The following DENND4C variants were observed in gnomAD, a reference collection of about 807,000 sequenced individuals.
DENND4C encodes DENN domain-containing protein 4C.
DENND4C carries 108 observed loss-of-function variants against 203.0 expected under a neutral mutation model. The observed-to-expected ratio is 0.53, with a 90% CI of 0.46 to 0.62. The LOEUF (loss-of-function observed/expected upper bound fraction) is 0.62. Among genes scored for constraint, DENND4C ranks in the 20% least tolerant of loss-of-function variants. The pLI, the probability that DENND4C is intolerant of heterozygous loss-of-function variation, is 0.00. For synonymous variants in DENND4C, 871 were observed against 792.4 expected, an observed-to-expected ratio of 1.10 and a Z score of -1.67; for missense variants, 2,481 against 2,301.2, an observed-to-expected ratio of 1.08 and a Z score of -1.60.
At chr9:19,324,338 T>G in intron 12 of DENND4C, 24 bp from the exon 13 acceptor site, 14 of 1,556,296 alleles carry the variant, frequency 9.0e-6, no homozygotes, top group Non-Finnish European at 1.1e-5. Context: ...AAATTTGAAT[T>G]TAATTATATT....
chr9:19,346,389 G>C lies in DENND4C; in HGVS notation c.3620G>C (p.Ser1207Thr), dbSNP rs774125630. Residue 1207 changes from serine (S) to threonine (T), a missense_variant, in exon 23 of 33, where the codon AGT becomes ACT. Ser to Thr is a moderately conservative substitution (Grantham distance 58, BLOSUM62 1). Transcript: ENST00000434457. ...KTTATVDTYE[S>T]LLSDSNSNQS... The stretch of plus-strand genomic sequence containing the variant: ...ACTGCAACAGTAGATACATATGAGA[G>C]TCTACTAAGTGATAGTAACAGTAAT... The C allele has an allele frequency of 3.7e-6, 6 of 1,613,886 alleles. No homozygotes were observed. In the Admixed American group the frequency reaches 8.3e-5, roughly 22 times the overall value.
At chr9:19,262,305 C>G (rs1166504821) in intron 1 of DENND4C, among the ~76,000 whole-genome samples, 1 of 151,788 alleles carries the variant, frequency 6.6e-6, no homozygotes, top group Non-Finnish European at 1.5e-5. Flanking sequence ...CCAGGCTGGT[C>G]TTGAACTCCT....
intron 1 of DENND4C, among the ~76,000 whole-genome samples, chr9:19,240,467 A>ACCAG (rs1823393645): frequency 6.6e-6 from 1 of 152,010 alleles, no homozygotes; most frequent in South Asian, 2.1e-4. Context: ...GGAGTTCGAG[A>ACCAG]CCAGCCTGGT....
intron 2 of DENND4C, 87 bp downstream of exon 2, chr9:19,276,566 T>TTTATTATTACTGATAGTTTA: frequency 1.3e-6 from 1 of 742,566 alleles, no homozygotes; most frequent in Non-Finnish European, 1.8e-6. Context: ...CCTTGATAGT[T>TTTATTATTACTGATAGTTTA]TTATTATTAC....
chr9:19,273,561 T>C (rs558202849), intron 1 of DENND4C, among the ~76,000 whole-genome samples: 17 of 151,912 alleles, frequency 1.1e-4, no homozygotes, highest in African/African-American at 4.1e-4. Context: ...GTCTCAAGAA[T>C]ACATAAAGAA....
intron 16 of DENND4C, among the ~76,000 whole-genome samples, chr9:19,330,608 G>A (rs1302241548): frequency 6.6e-6 from 1 of 151,932 alleles, no homozygotes; most frequent in Non-Finnish European, 1.5e-5. Context: ...AAAGTGCTGG[G>A]ATTATATACA....
chr9:19,361,637 C>T (rs1826515500), intron 29 of DENND4C, among the ~76,000 whole-genome samples: 1 of 152,126 alleles, frequency 6.6e-6, no homozygotes, highest in African/African-American at 2.4e-5. Flanking sequence ...ATTGTCATCC[C>T]ATTTCTTAAA....
chr9:19,282,471 C>A (rs1296325122), intron 2 of DENND4C, among the ~76,000 whole-genome samples: 1 of 149,918 alleles, frequency 6.7e-6, no homozygotes, highest in Non-Finnish European at 1.5e-5. Flanking sequence ...CCAGGCTGCT[C>A]TGGAACACCT....
chr9:19,243,856 G>C (rs1824396730), intron 1 of DENND4C, among the ~76,000 whole-genome samples: 1 of 152,120 alleles, frequency 6.6e-6, no homozygotes, highest in Non-Finnish European at 1.5e-5. Flanking sequence ...CTGTCACCCA[G>C]ACTGGAGTAC....
In DENND4C at chr9:19,252,138, G is replaced by A. The variant is rs142958339; in HGVS notation, c.-18+21305G>A. ...TTGGACTTACAGTTCCATGTGGCTG[G>A]GGAGGCCTCACAATCATGGCAGAAG... On this transcript the variant is annotated intron_variant, in intron 1 of 32. Coordinates refer to ENST00000434457, the MANE Select transcript of DENND4C (RefSeq NM_001330640.2). Among the ~76,000 whole-genome samples, 78 of 152,290 alleles carry A rather than the reference G, an allele frequency of 5.1e-4. 1 individual carries two copies. The highest frequency in any genetic ancestry group is 1.5e-5 in the Non-Finnish European group (1 of 68,024).
intron 3 of DENND4C, among the ~76,000 whole-genome samples, chr9:19,287,723 G>A (rs1475211610): frequency 7.5e-6 from 1 of 133,438 alleles, no homozygotes; most frequent in Non-Finnish European, 1.6e-5. Context: ...AGAAAATATT[G>A]CAGTTTTGCA....
chr9:19,246,379 T>C (rs138687736), intron 1 of DENND4C, among the ~76,000 whole-genome samples: 4 of 152,304 alleles, frequency 2.6e-5, no homozygotes, highest in Non-Finnish European at 4.4e-5. Flanking sequence ...CTACTTTGTT[T>C]GCTAAGAAGA....
chr9:19,287,237 A>C lies in DENND4C; in HGVS notation c.558+216A>C, dbSNP rs530042081. Among the ~76,000 whole-genome samples the C allele has an allele frequency of 2.0e-5, 3 of 152,350 alleles. No individual in the cohort carries two copies. In the East Asian group the frequency reaches 5.8e-4, roughly 29 times the overall value. On this transcript the variant is annotated intron_variant, in intron 3 of 32. Coordinates refer to ENST00000434457, the MANE Select transcript of DENND4C (RefSeq NM_001330640.2). ...AAGTCAGGGATATTTTTGAGGGAGT[A>C]AATCCTAATATTGTCTGTGTTACAT...
chr9:19,266,157 G>A (rs914651327), intron 1 of DENND4C, among the ~76,000 whole-genome samples: 1 of 152,162 alleles, frequency 6.6e-6, no homozygotes, highest in Non-Finnish European at 1.5e-5. Flanking sequence ...TCTAACTGGT[G>A]TGAGATGGTA....
chr9:19,352,730 AG>A, intron 26 of DENND4C, 65 bp downstream of exon 26: 1 of 1,308,030 alleles, frequency 7.6e-7, no homozygotes, highest in East Asian at 2.5e-5. Context: ...CTGGGAGAAG[AG>A]TGAAATATTC....
Position 19,350,766 on chromosome 9 carries a change from T to C in DENND4C, c.4382T>C (p.Ile1461Thr). ...GLEDHILGEN[I>T]SPNTSISGLV... ...GAAGACCATATTTTGGGGGAGAATA[T>C]ATCGCCTAACACAAGTATCTCAGGG... The change falls in exon 24 of 33, where the codon ATA becomes ACA. Residue 1461 changes from isoleucine (I) to threonine (T), a missense_variant. Physicochemically the swap from Ile to Thr is moderately conservative, Grantham distance 89. Transcript: ENST00000434457. 6.2e-7 allele frequency: 1 copy of C among 1,613,928 alleles called. No homozygotes were observed. The highest frequency in any genetic ancestry group is 8.5e-7 in the Non-Finnish European group (1 of 1,179,974).
intron 1 of DENND4C, among the ~76,000 whole-genome samples, chr9:19,236,067 C>T (rs1038797645): frequency 1.3e-5 from 2 of 150,422 alleles, no homozygotes; most frequent in African/African-American, 4.9e-5. Context: ...TGTGTATATG[C>T]AGTTCAATTA....
chr9:19,290,081 A>G (rs536144098), intron 4 of DENND4C, among the ~76,000 whole-genome samples: 96 of 152,312 alleles, frequency 6.3e-4, no homozygotes, highest in African/African-American at 2.3e-3. Flanking sequence ...GAGATGGTCT[A>G]TATATTGATG....
chr9:19,237,026 C>CT (rs1212487018), intron 1 of DENND4C, among the ~76,000 whole-genome samples: 14 of 149,160 alleles, frequency 9.4e-5, no homozygotes, highest in Non-Finnish European at 1.0e-4. Flanking sequence ...GGCGATTTGA[C>CT]TTTTTTTTTT....
Sources: gnomAD v4.1 joint callset for allele counts (sites outside exome capture counted in the v4.1 genomes callset) on GRCh38, gnomAD v4.1.1 for gene constraint, MANE v1.5 for transcripts, NCBI Gene and HGNC (gene_info 2026-07-23, HGNC 2026-07-21) for gene names.